TASP1: variants seen among roughly 807,000 people sequenced by gnomAD.
TASP1 encodes the protein threonine aspartase 1.
TASP1 carries 16 observed loss-of-function variants against 56.6 expected under a neutral mutation model. The observed-to-expected ratio is 0.28, with a 90% CI of 0.19 to 0.43. TASP1 has a LOEUF of 0.43. Ranked by LOEUF, TASP1 falls within the 20% of genes least tolerant of loss-of-function variation. The pLI is 1.00. For missense variants in TASP1, 393 were observed against 511.6 expected, an observed-to-expected ratio of 0.77 and a Z score of 2.24; for synonymous variants, 179 against 184.2, an observed-to-expected ratio of 0.97 and a Z score of 0.23.
chr20:13,571,099 C>T (rs1025815178), intron 6 of TASP1, among the ~76,000 whole-genome samples: 16 of 151,974 alleles, frequency 1.1e-4, no homozygotes, highest in South Asian at 2.1e-4. Flanking sequence ...TTTAATCATT[C>T]GAAGGTTTGA....
chr20:13,305,988 C>G, the TASP1 span, among the ~76,000 whole-genome samples: 1 of 152,088 alleles, frequency 6.6e-6, no homozygotes, highest in African/African-American at 2.4e-5. Flanking sequence ...AATAGCAAAG[C>G]TGGGTAAGAA....
intron 13 of TASP1, among the ~76,000 whole-genome samples, chr20:13,401,063 G>C (rs1006540855): frequency 6.6e-6 from 1 of 152,106 alleles, no homozygotes; most frequent in Non-Finnish European, 1.5e-5. Flanking sequence ...AAGCGCCCAG[G>C]CTTCACCAAA....
At chr20:13,509,162 T>TGA (rs2044238074) in intron 10 of TASP1, among the ~76,000 whole-genome samples, 1 of 148,764 alleles carries the variant, frequency 6.7e-6, no homozygotes, top group Admixed American at 6.7e-5. Flanking sequence ...TGTGTGTGTG[T>TGA]GATTTAGCCT....
the TASP1 span, among the ~76,000 whole-genome samples, chr20:13,383,112 C>T: frequency 2.0e-5 from 3 of 152,042 alleles, no homozygotes; most frequent in Non-Finnish European, 4.4e-5. Flanking sequence ...AGTATGGGGT[C>T]GGAGAACAAG....
At chr20:13,539,485 G>A (rs1412093565) in intron 8 of TASP1, among the ~76,000 whole-genome samples, 1 of 152,122 alleles carries the variant, frequency 6.6e-6, no homozygotes, top group Non-Finnish European at 1.5e-5. Flanking sequence ...AGGAGTGCAA[G>A]GCTATAGTGA....
the TASP1 span, among the ~76,000 whole-genome samples, chr20:13,334,879 GT>G: frequency 6.6e-6 from 1 of 152,196 alleles, no homozygotes; most frequent in Admixed American, 6.5e-5. Context: ...TGTCATAAAT[GT>G]TTTCAACACA....
At chr20:13,155,876 A>G in the TASP1 span, among the ~76,000 whole-genome samples, 1 of 152,218 alleles carries the variant, frequency 6.6e-6, no homozygotes, top group African/African-American at 2.4e-5. Context: ...CATTCCCACC[A>G]GTTGGCCCTT....
chr20:13,107,208 G>A, the TASP1 span, among the ~76,000 whole-genome samples: 2 of 152,118 alleles, frequency 1.3e-5, no homozygotes, highest in African/African-American at 2.4e-5. Context: ...TAGAAATTTC[G>A]AGAATCTGCA....
intron 12 of TASP1, among the ~76,000 whole-genome samples, chr20:13,427,482 T>G (rs1181332039): frequency 6.6e-6 from 1 of 152,188 alleles, no homozygotes; most frequent in African/African-American, 2.4e-5. Context: ...TGTGAGAACA[T>G]GCGGAAATTT....
At chr20:13,314,185 G>C in the TASP1 span, among the ~76,000 whole-genome samples, 1 of 152,118 alleles carries the variant, frequency 6.6e-6, no homozygotes, top group Non-Finnish European at 1.5e-5. Flanking sequence ...ACAAGAAGGA[G>C]AAGAAAGAGC....
chr20:13,513,277 G>A (rs927323865), intron 10 of TASP1, among the ~76,000 whole-genome samples: 7 of 151,970 alleles, frequency 4.6e-5, no homozygotes, highest in Admixed American at 6.6e-5. Flanking sequence ...CAATAGTCTC[G>A]TCCTCAAGGA....
the TASP1 span, among the ~76,000 whole-genome samples, chr20:13,339,443 T>G: frequency 6.6e-6 from 1 of 152,192 alleles, no homozygotes; most frequent in African/African-American, 2.4e-5. Context: ...CTTTATTTGT[T>G]TAGCAGCCAC....
chr20:13,250,204 G>A, the TASP1 span, among the ~76,000 whole-genome samples: 7 of 152,244 alleles, frequency 4.6e-5, no homozygotes, highest in Non-Finnish European at 8.8e-5. Flanking sequence ...TTCTGGGATG[G>A]CCTAGGTTTC....
chr20:13,437,645 G>T (rs1056558171), intron 11 of TASP1, among the ~76,000 whole-genome samples: 12 of 152,110 alleles, frequency 7.9e-5, no homozygotes, highest in Non-Finnish European at 1.5e-4. Context: ...TAAGCTGATA[G>T]ACAATTTCAG....
intron 10 of TASP1, among the ~76,000 whole-genome samples, chr20:13,488,809 CT>C (rs1406271303): frequency 8.5e-5 from 13 of 152,122 alleles, no homozygotes; most frequent in African/African-American, 3.1e-4. Flanking sequence ...TTCCCTCCAT[CT>C]CACCAAAAAC....
At chr20:13,612,628 G>A (rs189956466) in intron 4 of TASP1, among the ~76,000 whole-genome samples, 75 of 152,098 alleles carry the variant, frequency 4.9e-4, no homozygotes, top group Middle Eastern at 3.4e-3. Flanking sequence ...ATAGGATAAT[G>A]AGAATCTATC....
At chr20:13,443,755 G>A (rs1481106779) in intron 11 of TASP1, among the ~76,000 whole-genome samples, 1 of 152,202 alleles carries the variant, frequency 6.6e-6, no homozygotes, top group African/African-American at 2.4e-5. Context: ...CAGTTAACAA[G>A]AATTTGAATG....
At chr20:13,534,001 A>T (rs2045323307) in intron 9 of TASP1, 21 bp downstream of exon 9, 1 of 1,591,798 alleles carries the variant, frequency 6.3e-7, no homozygotes, top group Non-Finnish European at 8.6e-7. Context: ...AGGCTAGTTT[A>T]AAAAACCCAT....
chr20:13,288,772 G>T, the TASP1 span: 1 of 1,338,332 alleles, frequency 7.5e-7, no homozygotes, highest in Non-Finnish European at 1.0e-6. Context: ...CTTTTTAAAA[G>T]ATGCACTACT....
Sources: allele counts gnomAD v4.1 joint callset (sites outside exome capture counted in the v4.1 genomes callset), GRCh38; gene constraint gnomAD v4.1.1; transcripts MANE v1.5; gene names NCBI Gene and HGNC (gene_info 2026-07-23, HGNC 2026-07-21).